Variants in WASHC5 observed in about 807,000 individuals in gnomAD.
The protein encoded by WASHC5 is WASH complex subunit strumpellin.
WASHC5 carries 101 observed loss-of-function variants against 150.4 expected under a neutral mutation model. That is an observed-to-expected ratio of 0.67 (90% CI 0.57 to 0.79). WASHC5 has a LOEUF of 0.79. Ranked by LOEUF, WASHC5 falls within the 30% of genes least tolerant of loss-of-function variation. The pLI is 0.00. For missense variants in WASHC5, 1,195 were observed against 1,396.3 expected, an observed-to-expected ratio of 0.86 and a Z score of 2.30; for synonymous variants, 467 against 491.2, an observed-to-expected ratio of 0.95 and a Z score of 0.65.
At chr8:125,039,709 A>T in intron 24 of WASHC5, 86 bp downstream of exon 24, 1 of 914,630 alleles carries the variant, frequency 1.1e-6, no homozygotes, top group Non-Finnish European at 1.8e-6. Flanking sequence ...AAAATAACTT[A>T]AAAGAGTAAG....
chr8:125,044,499 G>C (rs1199026204), intron 21 of WASHC5, 37 bp downstream of exon 21: 1 of 1,610,216 alleles, frequency 6.2e-7, no homozygotes, highest in South Asian at 1.1e-5. Flanking sequence ...TCTCCCCCAG[G>C]GTGGCAGAAA....
intron 11 of WASHC5, 96 bp downstream of exon 11, chr8:125,063,426 G>T: frequency 7.8e-7 from 1 of 1,284,994 alleles, no homozygotes; most frequent in Non-Finnish European, 1.1e-6. Context: ...ATACAATAAT[G>T]AGAACATAAA....
rs571298692 is a variant in WASHC5, at chr8:125,083,912, G to T, written c.-14C>A. On this transcript the variant is annotated 5_prime_UTR_variant, in exon 2 of 29. Transcript: ENST00000318410. ...AAAGTCCAACATTGTGAGGCGGACC[G>T]ACTACTCTGTGCCTGGACACTGGGG... The T allele has an allele frequency of 2.5e-6, 4 of 1,611,744 alleles. No individual in the cohort carries two copies. Among genetic ancestry groups the T allele is most frequent in the Non-Finnish European group, 3.4e-6 (4 of 1,178,858 alleles).
chr8:125,088,741 G>A (rs537979089), intron 1 of WASHC5, among the ~76,000 whole-genome samples: 1 of 152,238 alleles, frequency 6.6e-6, no homozygotes, highest in South Asian at 2.1e-4. Context: ...AGAGCCAAAG[G>A]CAGCCAGCTA....
chr8:125,081,236 CT>C lies in WASHC5; in HGVS notation c.518+424del, dbSNP rs35035456. Among the ~76,000 whole-genome samples the C allele has an allele frequency of 4.0e-3, 512 of 129,118 alleles. 2 individuals carry two copies. Among genetic ancestry groups the C allele is most frequent in the African/African-American group, 8.4e-3 (288 of 34,270 alleles). 84.7% of individuals were successfully genotyped at this position (129,118 alleles called of 152,430 possible). ...ATGCTCACAAGACATAAGAATCTTA[CT>C]TTTTTTTTTTTTTTTTTTGAGACAT... is the stretch of plus-strand genomic sequence containing the variant. On this transcript the variant is annotated intron_variant, in intron 5 of 28. Transcript: ENST00000318410.
intron 26 of WASHC5, 80 bp from the exon 27 acceptor site, chr8:125,032,474 A>C: frequency 6.7e-7 from 1 of 1,491,470 alleles, no homozygotes; most frequent in Non-Finnish European, 9.3e-7. Flanking sequence ...TGTGAAGGTC[A>C]AAATGTTTGG....
chr8:125,046,090 A>G (rs1816058178), intron 20 of WASHC5, among the ~76,000 whole-genome samples: 1 of 152,228 alleles, frequency 6.6e-6, no homozygotes, highest in African/African-American at 2.4e-5. Context: ...AAGACAGCAC[A>G]AAGGATCCAG....
intron 1 of WASHC5, among the ~76,000 whole-genome samples, chr8:125,085,040 T>C (rs1817379138): frequency 6.6e-6 from 1 of 152,198 alleles, no homozygotes; most frequent in Non-Finnish European, 1.5e-5. Flanking sequence ...GCTGAACTCA[T>C]TCCTTGGCAC....
intron 24 of WASHC5, among the ~76,000 whole-genome samples, 196 bp downstream of exon 24, chr8:125,039,595 TGAGA>T (rs1025993884): frequency 6.6e-6 from 1 of 151,908 alleles, no homozygotes; most frequent in African/African-American, 2.4e-5. Flanking sequence ...AGAGAGTGAG[TGAGA>T]GACAGAGATA....
chr8:125,041,709 A>G (rs1256326979), intron 23 of WASHC5, among the ~76,000 whole-genome samples: 1 of 152,178 alleles, frequency 6.6e-6, no homozygotes, highest in African/African-American at 2.4e-5. Context: ...TGGAGCTTGT[A>G]ATGGTCAAAA....
intron 27 of WASHC5, among the ~76,000 whole-genome samples, 169 bp downstream of exon 27, chr8:125,032,072 A>G (rs1379903747): frequency 6.6e-6 from 1 of 152,232 alleles, no homozygotes; most frequent in Non-Finnish European, 1.5e-5. Flanking sequence ...AAGGATGGAC[A>G]CACCTGTAAT....
intron 18 of WASHC5, among the ~76,000 whole-genome samples, chr8:125,049,724 C>T (rs1165415678): frequency 2.0e-5 from 3 of 151,612 alleles, no homozygotes; most frequent in African/African-American, 7.3e-5. Context: ...ACCTATAATC[C>T]CAGCTACTTA....
chr8:125,090,940 A>G (rs1352059788), intron 1 of WASHC5, among the ~76,000 whole-genome samples: 1 of 152,218 alleles, frequency 6.6e-6, no homozygotes, highest in African/African-American at 2.4e-5. Context: ...GTGAAGGACA[A>G]TTAGAGAAGG....
intron 23 of WASHC5, among the ~76,000 whole-genome samples, chr8:125,043,584 C>A (rs985384429): frequency 6.6e-6 from 1 of 152,162 alleles, no homozygotes; most frequent in South Asian, 2.1e-4. Flanking sequence ...AGGCATTTTA[C>A]AAAGAGCCAG....
In WASHC5 at chr8:125,078,721, A is replaced by G. The variant is rs1415003894; in HGVS notation, c.711+17T>C. The G allele has an allele frequency of 6.3e-7, 1 of 1,578,106 alleles. No individual in the cohort carries two copies. The highest frequency in any genetic ancestry group is 2.2e-5 in the East Asian group (1 of 44,492). ...TGTTAAACTGTCTTAATAGGTCTTA[A>G]TAGATTTAATTCCCACCTGGTTGTA... On this transcript the variant is annotated intron_variant, in intron 6 of 28. Transcript: ENST00000318410.
chr8:125,028,756 G>A (rs745616081), intron 27 of WASHC5, 49 bp from the exon 28 acceptor site: 1 of 1,306,102 alleles, frequency 7.7e-7, no homozygotes, highest in Admixed American at 1.7e-5. Context: ...CACATCATAA[G>A]CCCTTTTGGT....
chr8:125,067,074 G>A (rs926637957), intron 10 of WASHC5, among the ~76,000 whole-genome samples: 4 of 152,274 alleles, frequency 2.6e-5, no homozygotes, highest in African/African-American at 7.2e-5. Context: ...GAGTGCAGTG[G>A]TGCGATCTTG....
Position 125,036,084 on chromosome 8 carries a change from CTT to C in WASHC5, c.3181+1151_3181+1152del, listed in dbSNP as rs1358021211. On this transcript the variant is annotated intron_variant, in intron 26 of 28. Transcript: ENST00000318410. ...GACATATTGAAAGGCTTTGGTGTCT[CTT>C]GTTTGTACAGAATATTCTGACATAC... 2.6e-5 allele frequency among the ~76,000 whole-genome samples: 4 copies of C among 152,202 alleles called. No homozygotes were observed. The East Asian group carries it at 5.8e-4, about 22-fold the overall frequency.
Position 125,091,628 on chromosome 8 carries a change from C to A in WASHC5, c.-138G>T, listed in dbSNP as rs1172830468. ...ATCCCCACTCACCTGTCAGCCGGGC[C>A]GCGCCACGGCGCACGCGCAGGGCCG... On this transcript the variant is annotated 5_prime_UTR_variant, in exon 1 of 29. Coordinates refer to ENST00000318410, the MANE Select transcript of WASHC5 (RefSeq NM_014846.4). 6.6e-6 allele frequency: 1 copy of A among 152,340 alleles called. No individual in the cohort carries two copies. The highest frequency in any genetic ancestry group is 2.4e-5 in the African/African-American group (1 of 41,464). The allele number at this position is 152,340 out of a possible 1,614,324, so 9.4% of individuals were successfully genotyped here.
Sources: gnomAD v4.1 joint callset for allele counts (sites outside exome capture counted in the v4.1 genomes callset) on GRCh38, gnomAD v4.1.1 for gene constraint, MANE v1.5 for transcripts, NCBI Gene and HGNC (gene_info 2026-07-23, HGNC 2026-07-21) for gene names.